The following IGF2 variants were observed in gnomAD, a reference collection of about 807,000 sequenced individuals.
The protein encoded by IGF2 is insulin like growth factor 2, also known as insulin-like growth factor 2.
In IGF2, 2 loss-of-function variants were observed where a neutral mutation model predicts 12.0. That is an observed-to-expected ratio of 0.17 (90% confidence interval 0.07 to 0.52). The LOEUF (loss-of-function observed/expected upper bound fraction) is 0.52. IGF2 is among the 20% of genes least tolerant of loss of function. The pLI is 0.95. For synonymous variants in IGF2, 105 were observed against 110.1 expected (o/e 0.95, Z 0.29); for missense variants, 211 against 268.0 (o/e 0.79, Z 1.48).
chr11:2,147,534 C>T, the IGF2 span: 1 of 993,420 alleles, frequency 1.0e-6, no homozygotes, highest in Non-Finnish European at 1.3e-6. The surrounding 1 kb of genome is among the most constrained non-coding windows in gnomAD (Gnocchi z 7.2). Context: ...GTGGCCCTCT[C>T]TGCCAGGCCT....
At chr11:2,143,685 C>T (rs1859737487), upstream of IGF2, among the ~76,000 whole-genome samples, 1 of 152,208 alleles carries the variant, frequency 6.6e-6, no homozygotes, top group African/African-American at 2.4e-5. Flanking sequence ...TGGAAAAGCC[C>T]GCCGGGACTG....
chr11:2,136,823 C>G (rs1859094096), intron 1 of IGF2, among the ~76,000 whole-genome samples: 1 of 152,254 alleles, frequency 6.6e-6, no homozygotes, highest in Non-Finnish European at 1.5e-5. Context: ...GCTGGCCACT[C>G]TAGCCCTCGC....
rs1859250496 is a variant in IGF2 at position 2,138,387 on chromosome 11, TTG to T, written c.-167_-166del. ...GGCAGAGCGGGGGGATGGCTTTTTT[TTG>T]GGGGGGGGGGGAGAATTCGTCTGAT... On this transcript the variant is annotated 5_prime_UTR_variant, in exon 1 of 4. Transcript: ENST00000416167. The T allele has an allele frequency of 4.2e-5, 13 of 306,576 alleles. No homozygotes were observed. Among genetic ancestry groups the T allele is most frequent in the Non-Finnish European group, 5.4e-5 (13 of 242,972 alleles). The allele number at this position is 306,576 out of a possible 1,614,324, so 19.0% of individuals were successfully genotyped here. A position where few individuals can be genotyped will look rare whatever the true frequency, so the allele number is the denominator to read the frequency against.
In IGF2 at chr11:2,131,379, A is replaced by C. The variant is rs1358721544; in HGVS notation, c.*1608T>G. 2 of 233,280 alleles carry C rather than the reference A, an allele frequency of 8.6e-6. No homozygotes were observed. The highest frequency in any genetic ancestry group is 1.7e-5 in the Non-Finnish European group (2 of 118,112). 14.5% of individuals were successfully genotyped at this position (233,280 alleles called of 1,614,324 possible). A position where few individuals can be genotyped will look rare whatever the true frequency, so the allele number is the denominator to read the frequency against. Reference sequence around the variant, plus strand: ...TTGGCCTGATCCATACAGATATCGTAGTTGCTTAGATATGCTTATTGTTTT... The same window carrying C: ...TTGGCCTGATCCATACAGATATCGTCGTTGCTTAGATATGCTTATTGTTTT... On this transcript the variant is annotated 3_prime_UTR_variant, in exon 4 of 4. Transcript: ENST00000416167.
chr11:2,146,460 G>A, the IGF2 span: 5 of 524,426 alleles, frequency 9.5e-6, no homozygotes, highest in Non-Finnish European at 1.6e-5. Context: ...CTAAGGACCC[G>A]AACTGCAACC....
Position 2,131,945 on chromosome 11 carries a change from G to A in IGF2, c.*1042C>T, listed in dbSNP as rs1481742528. 5 of 169,040 alleles carry A rather than the reference G, an allele frequency of 3.0e-5. No individual in the cohort carries two copies. Among genetic ancestry groups the A allele is most frequent in the East Asian group, 9.2e-5 (1 of 10,870 alleles). 10.5% of individuals were successfully genotyped at this position (169,040 alleles called of 1,614,324 possible). On this transcript the variant is annotated 3_prime_UTR_variant, in exon 4 of 4. Coordinates refer to ENST00000416167, the MANE Select transcript of IGF2 (RefSeq NM_000612.6). ...GTGCATGTGTGTGCGTGTGTGTGCC[G>A]TGCGTTTGTGTGCTGTGTGTGCATG...
chr11:2,147,527 G>T, the IGF2 span: 1 of 889,784 alleles, frequency 1.1e-6, no homozygotes, highest in Non-Finnish European at 1.5e-6. This position sits in a 1 kb window ranked among gnomAD's most constrained non-coding sequence, Gnocchi z 7.2. Context: ...AGAGCCTGTG[G>T]CCCTCTCTGC....
chr11:2,137,724 C>T (rs891674283), intron 1 of IGF2, among the ~76,000 whole-genome samples: 3 of 152,118 alleles, frequency 2.0e-5, no homozygotes, highest in Non-Finnish European at 2.9e-5. Flanking sequence ...GGAGATGTCG[C>T]GAATGTGGCG....
the IGF2 span, chr11:2,148,745 T>G: frequency 4.4e-5 from 10 of 225,130 alleles, no homozygotes; most frequent in Non-Finnish European, 8.7e-5. The surrounding 1 kb of genome is among the most constrained non-coding windows in gnomAD (Gnocchi z 4.3). Context: ...GAGGAAACTT[T>G]TCACACAGAA....
At chr11:2,149,058 G>T in the IGF2 span, 1 of 1,443,572 alleles carries the variant, frequency 6.9e-7, no homozygotes, top group Non-Finnish European at 9.7e-7. Flanking sequence ...CAAGCTCCCG[G>T]CCCACCCACG....
intron 1 of IGF2, among the ~76,000 whole-genome samples, chr11:2,135,787 G>A (rs1590119779): frequency 6.6e-6 from 1 of 152,364 alleles, no homozygotes; most frequent in East Asian, 1.9e-4. Flanking sequence ...AGAAGCACTA[G>A]TAATTTTACA....
chr11:2,131,563 GTGTT>G lies in IGF2; in HGVS notation c.*1420_*1423del, dbSNP rs1472143568. On this transcript the variant is annotated 3_prime_UTR_variant, in exon 4 of 4. Coordinates refer to ENST00000416167, the MANE Select transcript of IGF2 (RefSeq NM_000612.6). ...TGCTGTGTGTGCATGTGTGTGCTGT[GTGTT>G]TGTGTGTGTGCTGTGTTCATGTGTG... 2.3e-5 allele frequency: 4 copies of G among 170,280 alleles called. No individual in the cohort carries two copies. The highest frequency in any genetic ancestry group is 3.6e-5 in the Non-Finnish European group (3 of 83,748). 10.5% of individuals were successfully genotyped at this position (170,280 alleles called of 1,614,324 possible). A position where few individuals can be genotyped will look rare whatever the true frequency, so the allele number is the denominator to read the frequency against.
chr11:2,148,150 C>T, the IGF2 span: 6 of 240,776 alleles, frequency 2.5e-5, no homozygotes, highest in East Asian at 1.6e-4. This position sits in a 1 kb window ranked among gnomAD's most constrained non-coding sequence, Gnocchi z 4.3. Flanking sequence ...ACGAATGGCC[C>T]GCCTTGAGGG....
At position 2,133,605 on chromosome 11, in the gene IGF2, C is replaced by T. The variant is rs745308728; in HGVS notation, c.218G>A (p.Arg73His). ...SRGIVEECCF[R>H]SCDLALLETY... ...CTCCAGGAGGGCCAGGTCACAGCTG[C>T]GGAAACAGCACTCCTCAACGATGCC... The change falls in exon 3 of 4, where the codon CGC becomes CAC. Residue 73 changes from arginine (R) to histidine (H), a missense_variant. Around this residue, in one of 3 missense-constraint regions of IGF2, gnomAD observed 30 missense variants for 79.2 expected, o/e 0.38. Coordinates refer to ENST00000416167, the MANE Select transcript of IGF2 (RefSeq NM_000612.6). This position sits in a 1 kb window ranked among gnomAD's most constrained non-coding sequence, Gnocchi z 8.9. The T allele has an allele frequency of 3.1e-6, 5 of 1,612,900 alleles. No homozygotes were observed. The highest frequency in any genetic ancestry group is 3.4e-6 in the Non-Finnish European group (4 of 1,179,984).
chr11:2,144,832 G>C (rs1210083343), upstream of IGF2, among the ~76,000 whole-genome samples: 3 of 152,186 alleles, frequency 2.0e-5, no homozygotes, highest in East Asian at 5.8e-4. Flanking sequence ...GGGGATCCTG[G>C]GGCAACTACA....
rs1263260721 is a variant in IGF2, at chr11:2,138,544, GAC to G, written c.-324_-323del. ...AGAGGGGGGCAGAGATAGTGGGAGA[GAC>G]AGAGTGAACGTGAAAGGGGGGGGCC... On this transcript the variant is annotated 5_prime_UTR_variant, in exon 1 of 4. Coordinates refer to ENST00000416167, the MANE Select transcript of IGF2 (RefSeq NM_000612.6). 8 of 536,942 alleles carry G rather than the reference GAC, an allele frequency of 1.5e-5. No homozygotes were observed. Among genetic ancestry groups the G allele is most frequent in the Non-Finnish European group, 1.8e-5 (8 of 440,044 alleles). The allele number at this position is 536,942 out of a possible 1,614,324, so 33.3% of individuals were successfully genotyped here. A position where few individuals can be genotyped will look rare whatever the true frequency, so the allele number is the denominator to read the frequency against.
At chr11:2,144,364 T>A (rs1859784958), upstream of IGF2, among the ~76,000 whole-genome samples, 1 of 147,462 alleles carries the variant, frequency 6.8e-6, no homozygotes, top group African/African-American at 2.4e-5. Context: ...AGTCCCCGGC[T>A]TGGCTTGGGG....
chr11:2,140,592 C>A, upstream of IGF2: 1 of 501,060 alleles, frequency 2.0e-6, no homozygotes, highest in Non-Finnish European at 3.6e-6. Flanking sequence ...GCCCCCTGCC[C>A]GCCCCACTTT....
upstream of IGF2, chr11:2,140,607 C>G: frequency 2.0e-6 from 1 of 510,264 alleles, no homozygotes. Context: ...CACTTTGGGA[C>G]CCTCCAGCCG....
Sources: gnomAD v4.1 joint callset for allele counts (sites outside exome capture counted in the v4.1 genomes callset) on GRCh38, gnomAD v4.1.1 for gene constraint, gnomAD v4.1.1 regional missense constraint, Gnocchi (gnomAD v3.1) non-coding constraint, MANE v1.5 for transcripts, NCBI Gene and HGNC (gene_info 2026-07-23, HGNC 2026-07-21) for gene names.